CDKN2B-AS1: variants seen among roughly 807,000 people sequenced by gnomAD.
CDKN2B-AS1 encodes CDKN2B antisense RNA 1 (non-protein coding).
At chr9:22,122,000 A>G (rs1826112946) in intron 4 of CDKN2B-AS1, among the ~76,000 whole-genome samples, 1 of 151,574 alleles carries the variant, frequency 6.6e-6, no homozygotes, top group African/African-American at 2.4e-5. Context: ...GTACTAGTTT[A>G]CGTTCCCACC....
chr9:22,053,178 A>G (rs938221318), intron 3 of CDKN2B-AS1, among the ~76,000 whole-genome samples: 1 of 152,224 alleles, frequency 6.6e-6, no homozygotes, highest in African/African-American at 2.4e-5. Flanking sequence ...AGTTTGGATT[A>G]TCACACAATT....
At position 22,006,964 on chromosome 9, in the gene CDKN2B-AS1, A is replaced by G. The variant is rs542370388; in HGVS notation, n.29+11803A>G. Among the ~76,000 whole-genome samples the G allele has an allele frequency of 1.3e-5, 2 of 152,288 alleles. No individual in the cohort carries two copies. Among genetic ancestry groups the G allele is most frequent in the East Asian group, 3.9e-4 (2 of 5,194 alleles). ...CAGTTCATCATTTTAAATTTAGACTATAATATTTTTAATGTAATATAAAAC... is the reference window on the plus strand; with the variant it reads ...CAGTTCATCATTTTAAATTTAGACTGTAATATTTTTAATGTAATATAAAAC... On this transcript the variant is annotated intron_variant and non_coding_transcript_variant, in intron 1 of 4. Transcript: ENST00000650946. This position sits in a 1 kb window ranked among gnomAD's most constrained non-coding sequence, Gnocchi z 6.4.
chr9:22,047,118 A>G (rs137986068), intron 2 of CDKN2B-AS1, among the ~76,000 whole-genome samples: 1 of 152,250 alleles, frequency 6.6e-6, no homozygotes, highest in Non-Finnish European at 1.5e-5. Context: ...TAGACATGAA[A>G]CAAATAGTCT....
rs560038901 is a variant in CDKN2B-AS1 at position 22,094,642 on chromosome 9, G to A, written n.439-32461G>A. Among the ~76,000 whole-genome samples, 8 of 144,380 alleles carry A rather than the reference G, an allele frequency of 5.5e-5. 2 individuals carry two copies. Among genetic ancestry groups the A allele is most frequent in the South Asian group, 2.1e-4 (1 of 4,710 alleles). The allele number at this position is 144,380 out of a possible 152,430, so 94.7% of individuals were successfully genotyped here. A position where few individuals can be genotyped will look rare whatever the true frequency, so the allele number is the denominator to read the frequency against. ...CTTGTGCATTCGTCATGTAGTTCTC[G>A]TGCCTTGGTTTTCAGCTCCGTCAGG... On this transcript the variant is annotated intron_variant and non_coding_transcript_variant, in intron 4 of 4. Transcript: ENST00000650946.
intron 1 of CDKN2B-AS1, among the ~76,000 whole-genome samples, chr9:22,023,893 C>A (rs989236234): frequency 6.6e-6 from 1 of 152,192 alleles, no homozygotes. Flanking sequence ...TCCTATAACT[C>A]TGCGAACTTC....
intron 1 of CDKN2B-AS1, among the ~76,000 whole-genome samples, chr9:22,042,775 T>C (rs2131267002): frequency 6.6e-6 from 1 of 152,260 alleles, no homozygotes; most frequent in African/African-American, 2.4e-5. Context: ...CTGAGTTTAC[T>C]TCTCAAAAAA....
intron 3 of CDKN2B-AS1, among the ~76,000 whole-genome samples, chr9:22,055,644 G>A (rs566046555): frequency 1.3e-5 from 2 of 152,150 alleles, no homozygotes; most frequent in Non-Finnish European, 2.9e-5. Flanking sequence ...ATTTTTTATA[G>A]AGGGCCAGGA....
intron 1 of CDKN2B-AS1, among the ~76,000 whole-genome samples, chr9:22,033,165 C>T (rs1259505557): frequency 6.6e-6 from 1 of 152,056 alleles, no homozygotes; most frequent in East Asian, 1.9e-4. Context: ...ACCCAGAGCA[C>T]CCCCCACCCA....
intron 4 of CDKN2B-AS1, among the ~76,000 whole-genome samples, chr9:22,070,367 G>T (rs1824240380): frequency 1.3e-5 from 2 of 152,136 alleles, no homozygotes; most frequent in Admixed American, 6.5e-5. Context: ...TAATAAAATA[G>T]TTTTTTCCCT....
chr9:22,114,502 G>A (rs1825893512), intron 4 of CDKN2B-AS1, among the ~76,000 whole-genome samples: 1 of 152,180 alleles, frequency 6.6e-6, no homozygotes, highest in African/African-American at 2.4e-5. Context: ...CCCCATGAAG[G>A]AGAAAGGAGA....
rs755236254 is a variant in CDKN2B-AS1, at chr9:22,006,092, C to T, written n.29+10931C>T. 3 of 1,608,274 alleles carry T rather than the reference C, an allele frequency of 1.9e-6. No individual in the cohort carries two copies. Among genetic ancestry groups the T allele is most frequent in the South Asian group, 1.1e-5 (1 of 91,030 alleles). ...CCCAGGCATCGCGCACGTCCAGCCG[C>T]GCCCCGGCCCGGTGCAGCACCACCA... On this transcript the variant is annotated intron_variant and non_coding_transcript_variant, in intron 1 of 4. Transcript: ENST00000650946. This position sits in a 1 kb window ranked among gnomAD's most constrained non-coding sequence, Gnocchi z 6.4.
chr9:22,005,918 A>C lies in CDKN2B-AS1; in HGVS notation n.29+10757A>C. 6.5e-7 allele frequency: 1 copy of C among 1,548,372 alleles called. No individual in the cohort carries two copies. Among genetic ancestry groups the C allele is most frequent in the South Asian group, 1.1e-5 (1 of 87,110 alleles). Reference sequence around the variant, plus strand: ...GCTCCCCGTTGGCAGCCTTCATCGAATTAGGTGGGTGGGGGTGGGAAATTG... The same window carrying C: ...GCTCCCCGTTGGCAGCCTTCATCGACTTAGGTGGGTGGGGGTGGGAAATTG... On this transcript the variant is annotated intron_variant and non_coding_transcript_variant, in intron 1 of 4. Transcript: ENST00000650946. The surrounding 1 kb of genome is among the most constrained non-coding windows in gnomAD (Gnocchi z 4.9).
chr9:22,127,557 G>A (rs918140570), exon 5 of CDKN2B-AS1, among the ~76,000 whole-genome samples: 9 of 152,152 alleles, frequency 5.9e-5, no homozygotes, highest in African/African-American at 2.2e-4. Flanking sequence ...AGAGAAGGAT[G>A]GTTTGGGTGA....
chr9:22,094,026 C>G (rs1825188010), intron 4 of CDKN2B-AS1, among the ~76,000 whole-genome samples: 1 of 144,404 alleles, frequency 6.9e-6, no homozygotes, highest in Non-Finnish European at 1.5e-5. Context: ...GTGACAAAAT[C>G]TCTTAGCATT....
intron 4 of CDKN2B-AS1, among the ~76,000 whole-genome samples, chr9:22,101,078 A>G (rs796510013): frequency 4.6e-5 from 7 of 152,322 alleles, no homozygotes; most frequent in African/African-American, 1.7e-4. Flanking sequence ...CCACCAGTAA[A>G]GAGATGCATT....
chr9:22,044,138 T>C (rs1823013891), intron 1 of CDKN2B-AS1, among the ~76,000 whole-genome samples: 1 of 152,018 alleles, frequency 6.6e-6, no homozygotes, highest in African/African-American at 2.4e-5. Flanking sequence ...AGGTCAGCTA[T>C]AACTAACACG....
At chr9:22,029,122 C>T (rs1414378565) in intron 1 of CDKN2B-AS1, among the ~76,000 whole-genome samples, 2 of 151,748 alleles carry the variant, frequency 1.3e-5, no homozygotes, top group Non-Finnish European at 2.9e-5. Flanking sequence ...AGCTAATATA[C>T]ACAGAACGAA....
In CDKN2B-AS1 at chr9:21,996,566, C is replaced by G. The variant is rs1225972431; in HGVS notation, n.29+1405C>G. Reference sequence around the variant, plus strand: ...CACTTAGGACGAAGAGATTATTTTACTTATGTACTTGTTTACTTGTTTGTT... The same window carrying G: ...CACTTAGGACGAAGAGATTATTTTAGTTATGTACTTGTTTACTTGTTTGTT... On this transcript the variant is annotated intron_variant and non_coding_transcript_variant, in intron 1 of 4. Coordinates refer to ENST00000650946, the Ensembl canonical transcript of CDKN2B-AS1. The surrounding 1 kb of genome is among the most constrained non-coding windows in gnomAD (Gnocchi z 5.4). Among the ~76,000 whole-genome samples the G allele has an allele frequency of 6.6e-6, 1 of 152,050 alleles. No homozygotes were observed.
intron 1 of CDKN2B-AS1, chr9:22,009,354 G>T (rs1341935092): frequency 2.9e-5 from 11 of 378,796 alleles, no homozygotes; most frequent in Non-Finnish European, 4.8e-5. Flanking sequence ...CCAAGGGGCC[G>T]GCGTCTCCCC....
Sources: allele counts gnomAD v4.1 joint callset (sites outside exome capture counted in the v4.1 genomes callset), GRCh38; gene constraint gnomAD v4.1.1; non-coding constraint Gnocchi (gnomAD v3.1); transcripts MANE v1.5; gene names NCBI Gene and HGNC (gene_info 2026-07-23, HGNC 2026-07-21).